Variants in SELENOF observed in about 807,000 individuals in gnomAD.
SELENOF encodes the protein selenoprotein F.
Under a neutral mutation model 20.5 loss-of-function variants are expected in SELENOF, and 16 were observed. The observed-to-expected ratio is 0.78, with a 90% CI of 0.53 to 1.19. The LOEUF (loss-of-function observed/expected upper bound fraction) is 1.19. SELENOF is among the 50% of genes most tolerant of loss of function. SELENOF has a pLI of 0.00. For missense variants in SELENOF, 215 were observed against 194.2 expected, an observed-to-expected ratio of 1.11 and a Z score of -0.64; for synonymous variants, 78 against 74.5, an observed-to-expected ratio of 1.05 and a Z score of -0.24.
At chr1:86,911,560 T>A (rs1659982528) in intron 1 of SELENOF, among the ~76,000 whole-genome samples, 2 of 152,170 alleles carry the variant, frequency 1.3e-5, no homozygotes, top group African/African-American at 4.8e-5. Context: ...CATGACAGAT[T>A]TAAATTTTAG....
intron 2 of SELENOF, among the ~76,000 whole-genome samples, chr1:86,881,793 C>A (rs888324162): frequency 6.6e-6 from 1 of 152,120 alleles, no homozygotes; most frequent in African/African-American, 2.4e-5. Context: ...TCAATTCTTA[C>A]GTTTTTGGGG....
At chr1:86,877,028 T>C (rs1658940183) in intron 3 of SELENOF, among the ~76,000 whole-genome samples, 1 of 152,232 alleles carries the variant, frequency 6.6e-6, no homozygotes, top group Non-Finnish European at 1.5e-5. Context: ...TATAAATGTT[T>C]GATGGTTCAT....
intron 1 of SELENOF, among the ~76,000 whole-genome samples, chr1:86,907,969 A>G (rs1659874028): frequency 6.7e-6 from 1 of 149,894 alleles, no homozygotes; most frequent in African/African-American, 2.5e-5. Flanking sequence ...CTGGGCGGTA[A>G]GTGTGAATCG....
chr1:86,909,777 G>A (rs955340909), intron 1 of SELENOF, among the ~76,000 whole-genome samples: 5 of 152,072 alleles, frequency 3.3e-5, no homozygotes, highest in African/African-American at 9.6e-5. Context: ...AGGCTGAGGC[G>A]GGTGGATCAC....
intron 3 of SELENOF, among the ~76,000 whole-genome samples, chr1:86,872,537 GT>G (rs34910403): frequency 9.6e-4 from 133 of 138,880 alleles, no homozygotes; most frequent in Middle Eastern, 3.8e-3. Flanking sequence ...CCCAGCTAAT[GT>G]TTTTTTTTTT....
Position 86,908,033 on chromosome 1 carries a change from C to G in SELENOF, c.85-4585G>C, listed in dbSNP as rs1013373482. On this transcript the variant is annotated intron_variant, in intron 1 of 4. Transcript: ENST00000331835. ...AACCAAGGCTCTATTCCCTCCTTCT[C>G]CATGCATTACTCACTGTTTTATTTT... Among the ~76,000 whole-genome samples, 3 of 151,682 alleles carry G rather than the reference C, an allele frequency of 2.0e-5. No homozygotes were observed. The East Asian group carries it at 5.8e-4, about 29-fold the overall frequency.
At chr1:86,900,625 G>T (rs1477651206) in intron 2 of SELENOF, among the ~76,000 whole-genome samples, 5 of 151,438 alleles carry the variant, frequency 3.3e-5, no homozygotes, top group African/African-American at 9.7e-5. Flanking sequence ...CCGTGGGGAG[G>T]GGGAGAGGGA....
intron 1 of SELENOF, among the ~76,000 whole-genome samples, chr1:86,910,954 G>A (rs1466005888): frequency 1.3e-5 from 2 of 152,164 alleles, no homozygotes; most frequent in Non-Finnish European, 2.9e-5. Flanking sequence ...TCAGACCTTT[G>A]CTTGTGGATT....
intron 1 of SELENOF, among the ~76,000 whole-genome samples, chr1:86,904,194 G>A (rs529219309): frequency 2.6e-4 from 40 of 152,110 alleles, no homozygotes; most frequent in Non-Finnish European, 3.8e-4. Flanking sequence ...GAAGAAGGAC[G>A]GGAAAGGGGA....
intron 2 of SELENOF, among the ~76,000 whole-genome samples, chr1:86,886,823 A>C (rs1006508120): frequency 1.3e-5 from 2 of 152,168 alleles, no homozygotes; most frequent in Non-Finnish European, 2.9e-5. Flanking sequence ...GGGATTTTAA[A>C]ATAAGGAAGC....
chr1:86,911,893 C>G (rs996790924), intron 1 of SELENOF, among the ~76,000 whole-genome samples: 3 of 151,672 alleles, frequency 2.0e-5, no homozygotes, highest in Non-Finnish European at 4.4e-5. Context: ...AAGTGATTCT[C>G]CTGCCTCAGC....
chr1:86,911,296 G>GA (rs746246243), intron 1 of SELENOF, among the ~76,000 whole-genome samples: 17 of 152,208 alleles, frequency 1.1e-4, no homozygotes, highest in Non-Finnish European at 2.1e-4. Flanking sequence ...AGAAAGGGAG[G>GA]AAAGGATGAG....
chr1:86,913,810 G>C, intron 1 of SELENOF: 1 of 583,434 alleles, frequency 1.7e-6, no homozygotes, highest in South Asian at 2.1e-5. Flanking sequence ...ACGTACCCAA[G>C]ACAATCTGAA....
chr1:86,882,268 A>AAAAAAAAG (rs1659094677), intron 2 of SELENOF, among the ~76,000 whole-genome samples: 1 of 143,798 alleles, frequency 7.0e-6, no homozygotes, highest in Non-Finnish European at 1.5e-5. Flanking sequence ...AAAAAAAAAA[A>AAAAAAAAG]AAAGAAAGAA....
intron 2 of SELENOF, among the ~76,000 whole-genome samples, chr1:86,884,400 C>A (rs973001259): frequency 6.6e-6 from 1 of 151,712 alleles, no homozygotes. Flanking sequence ...TATATATACA[C>A]GCACACACAT....
At position 86,903,343 on chromosome 1, in the gene SELENOF, G is replaced by A; in HGVS notation, c.190C>T (p.Leu64Phe). 6.2e-7 allele frequency: 1 copy of A among 1,612,320 alleles called. No individual in the cohort carries two copies. Among genetic ancestry groups the A allele is most frequent in the Non-Finnish European group, 8.5e-7 (1 of 1,179,154 alleles). The change falls in exon 2 of 5, where the codon CTT becomes TTT. Residue 64 changes from leucine (L) to phenylalanine (F), a missense_variant. Coordinates refer to ENST00000331835, the MANE Select transcript of SELENOF (RefSeq NM_004261.5). ...SCDLLGQFNLLQLDPDCRGCC... is the reference protein window; with the variant it reads ...SCDLLGQFNLFQLDPDCRGCC... Reference sequence around the variant, plus strand: ...CCTCTGCAATCAGGATCCAGCTGAAGCAGGTTGAACTGTCCGAGAAGATCA... The same window carrying A: ...CCTCTGCAATCAGGATCCAGCTGAAACAGGTTGAACTGTCCGAGAAGATCA...
chr1:86,891,140 C>G (rs140959058), intron 2 of SELENOF, among the ~76,000 whole-genome samples: 10 of 151,754 alleles, frequency 6.6e-5, no homozygotes, highest in East Asian at 1.9e-4. Context: ...ACCTCTACCC[C>G]CTGGGTTCAA....
chr1:86,903,783 C>T (rs991326182), intron 1 of SELENOF, among the ~76,000 whole-genome samples: 1 of 152,162 alleles, frequency 6.6e-6, no homozygotes, highest in East Asian at 1.9e-4. Flanking sequence ...TTAATAGAGA[C>T]GGGGGCCACG....
intron 1 of SELENOF, among the ~76,000 whole-genome samples, chr1:86,909,081 T>C (rs927439612): frequency 1.1e-4 from 16 of 152,220 alleles, no homozygotes; most frequent in Non-Finnish European, 2.9e-5. Flanking sequence ...GTTTTATCCA[T>C]AGCAGTATCT....
Sources: allele counts gnomAD v4.1 joint callset (sites outside exome capture counted in the v4.1 genomes callset), GRCh38; gene constraint gnomAD v4.1.1; transcripts MANE v1.5; gene names NCBI Gene and HGNC (gene_info 2026-07-23, HGNC 2026-07-21).